BIRC2: variants seen among roughly 807,000 people sequenced by gnomAD.
BIRC2 encodes the protein baculoviral IAP repeat containing 2.
A neutral mutation model predicts 60.9 loss-of-function variants in BIRC2; 18 were observed. The ratio of observed to expected loss-of-function variants is 0.30; its 90% CI spans 0.20 to 0.44. The LOEUF (loss-of-function observed/expected upper bound fraction) is 0.44. BIRC2 is among the 20% of genes least tolerant of loss of function. BIRC2 has a pLI of 1.00. For missense variants in BIRC2, 701 were observed against 728.5 expected (o/e 0.96, Z 0.43); for synonymous variants, 282 against 247.7 (o/e 1.14, Z -1.30).
chr11:102,360,871 G>C (rs999923589), intron 3 of BIRC2, among the ~76,000 whole-genome samples: 3 of 151,752 alleles, frequency 2.0e-5, no homozygotes, highest in African/African-American at 7.3e-5. Flanking sequence ...TTCTGGCTCT[G>C]TGGAAGGCCC....
At chr11:102,355,356 G>A (rs1012357523) in intron 3 of BIRC2, among the ~76,000 whole-genome samples, 2 of 152,070 alleles carry the variant, frequency 1.3e-5, no homozygotes, top group African/African-American at 2.4e-5. Context: ...TCCCAACACC[G>A]TTTGTTAAAG....
At position 102,350,081 on chromosome 11, in the gene BIRC2, G is replaced by T; in HGVS notation, c.227G>T (p.Gly76Val). ...SLARAGFYYT[G>V]VNDKVKCFCC... ...GCTCGTGCTGGTTTTTATTATACTGGTGTGAATGACAAGGTCAAATGCTTC... is the reference window on the plus strand; with the variant it reads ...GCTCGTGCTGGTTTTTATTATACTGTTGTGAATGACAAGGTCAAATGCTTC... Residue 76 changes from glycine to valine, a missense_variant, in exon 2 of 9, where the codon GGT (glycine) becomes GTT (valine). Gly to Val is a moderately radical substitution (Grantham distance 109). Coordinates refer to ENST00000227758, the MANE Select transcript of BIRC2 (RefSeq NM_001166.5). The T allele has an allele frequency of 6.2e-7, 1 of 1,614,198 alleles. No homozygotes were observed. Among genetic ancestry groups the T allele is most frequent in the Non-Finnish European group, 8.5e-7 (1 of 1,180,038 alleles).
rs1204565149 is a variant in BIRC2, at chr11:102,377,904, A to G, written c.1663+6A>G. The G allele has an allele frequency of 1.2e-6, 2 of 1,610,272 alleles. No individual in the cohort carries two copies. The highest frequency in any genetic ancestry group is 3.4e-5 in the Admixed American group (2 of 59,220). On this transcript the variant is annotated splice_donor_region_variant and intron_variant, in intron 8 of 8. Transcript: ENST00000227758. The stretch of plus-strand genomic sequence containing the variant: ...TCCAACAGAAGATGTTTCAGGTAAA[A>G]CAAAGATTTAAAACCAACATGAACT...
At position 102,378,655 on chromosome 11, in the gene BIRC2, A is replaced by G. The variant is rs1202147955; in HGVS notation, c.*472A>G. On this transcript the variant is annotated 3_prime_UTR_variant, in exon 9 of 9. Coordinates refer to ENST00000227758, the MANE Select transcript of BIRC2 (RefSeq NM_001166.5). ...CTAGTTTGTGAGAAACATCTCAATA[A>G]AGTGCTTTAAAAAGATTGTGTTACC... 1 of 152,300 alleles carries G rather than the reference A, an allele frequency of 6.6e-6. No homozygotes were observed. Among genetic ancestry groups the G allele is most frequent in the Non-Finnish European group, 1.5e-5 (1 of 68,104 alleles). 9.4% of individuals were successfully genotyped at this position (152,300 alleles called of 1,614,324 possible).
intron 3 of BIRC2, among the ~76,000 whole-genome samples, chr11:102,354,204 A>T (rs1415180836): frequency 6.6e-6 from 1 of 151,870 alleles, no homozygotes. Context: ...AGATGGTAGG[A>T]TTTTATTTTA....
At position 102,375,518 on chromosome 11, in the gene BIRC2, T is replaced by C. The variant is rs185037089; in HGVS notation, c.1367-1978T>C. On this transcript the variant is annotated intron_variant, in intron 6 of 8. Transcript: ENST00000227758. ...GCTCCAGGCTGGGCGCGGTGGCTCA[T>C]GCCTGTAATCCCAGCACTTTGGGAG... Among the ~76,000 whole-genome samples, 176 of 152,320 alleles carry C rather than the reference T, an allele frequency of 1.2e-3. 1 individual carries two copies. The Middle Eastern group carries it at 0.017, about 15-fold the overall frequency.
chr11:102,378,156 G>C lies in BIRC2; in HGVS notation c.1830G>C (p.Lys610Asn). 1 of 1,607,866 alleles carries C rather than the reference G, an allele frequency of 6.2e-7. No individual in the cohort carries two copies. The highest frequency in any genetic ancestry group is 8.5e-7 in the Non-Finnish European group (1 of 1,178,122). Residue 610 changes from lysine to asparagine, a missense_variant, in exon 9 of 9, where the codon AAG (lysine) becomes AAC (asparagine). Coordinates refer to ENST00000227758, the MANE Select transcript of BIRC2 (RefSeq NM_001166.5). ...GCCCTATTTGCAGGGGTATAATCAA[G>C]GGTACTGTTCGTACATTTCTCTCTT... ...RKCPICRGII[K>N]GTVRTFLS
At chr11:102,356,469 T>G (rs1440582792) in intron 3 of BIRC2, among the ~76,000 whole-genome samples, 1 of 151,994 alleles carries the variant, frequency 6.6e-6, no homozygotes, top group East Asian at 1.9e-4. Context: ...TTGCTGGGAT[T>G]AGAGGCGTGA....
intron 6 of BIRC2, among the ~76,000 whole-genome samples, chr11:102,374,486 CAG>C (rs1491540924): frequency 6.7e-6 from 1 of 150,230 alleles, no homozygotes; most frequent in Non-Finnish European, 1.5e-5. Flanking sequence ...GCTCGGGGGT[CAG>C]GGGTCAGGGA....
intron 3 of BIRC2, among the ~76,000 whole-genome samples, chr11:102,362,541 ACT>A (rs1951496717): frequency 1.3e-5 from 2 of 152,334 alleles, no homozygotes; most frequent in South Asian, 4.1e-4. Flanking sequence ...TTTTAGGAAT[ACT>A]GAGTTAATAG....
rs147952945 is a variant in BIRC2, at chr11:102,374,269, C to G, written c.1367-3227C>G. On this transcript the variant is annotated intron_variant, in intron 6 of 8. Transcript: ENST00000227758. ...CTGCGTTTTAGAGTTTCCAGCTTTT[C>G]TGTTCTGTTTTTCCCCCATCTTTGT... Among the ~76,000 whole-genome samples, 423 of 151,262 alleles carry G rather than the reference C, an allele frequency of 2.8e-3. 7 individuals are homozygous for G. The highest frequency in any genetic ancestry group is 5.1e-3 in the Non-Finnish European group (344 of 67,630).
chr11:102,371,952 T>C (rs1227372268), intron 6 of BIRC2, among the ~76,000 whole-genome samples: 17 of 151,812 alleles, frequency 1.1e-4, no homozygotes, highest in East Asian at 1.9e-4. Flanking sequence ...AGTTTATTTG[T>C]GTAGAGGTGT....
chr11:102,359,398 T>A (rs11225222), intron 3 of BIRC2, among the ~76,000 whole-genome samples: 9,755 of 152,276 alleles, frequency 0.064, 365 homozygotes, highest in Non-Finnish European at 0.081. Context: ...ACAAATTTAG[T>A]ATATTATTAA....
chr11:102,377,803 G>T (rs974774825), intron 7 of BIRC2, 53 bp downstream of exon 7: 7 of 1,593,982 alleles, frequency 4.4e-6, no homozygotes, highest in Non-Finnish European at 6.0e-6. Flanking sequence ...GCCAGATGCG[G>T]TGGCTCAGTT....
chr11:102,351,507 C>T (rs905108246), intron 3 of BIRC2, among the ~76,000 whole-genome samples: 7 of 143,906 alleles, frequency 4.9e-5, no homozygotes, highest in South Asian at 4.6e-4. Flanking sequence ...CCCAGCTTCT[C>T]GGGAGGCTGA....
intron 5 of BIRC2, among the ~76,000 whole-genome samples, chr11:102,365,229 A>T (rs1182767685): frequency 6.6e-6 from 1 of 152,136 alleles, no homozygotes; most frequent in South Asian, 2.1e-4. Context: ...TCAACTTAAG[A>T]AGGTTACTTT....
intron 6 of BIRC2, 115 bp downstream of exon 6, chr11:102,368,663 C>A: frequency 7.2e-7 from 1 of 1,389,608 alleles, no homozygotes; most frequent in Non-Finnish European, 9.7e-7. Context: ...TAGCAGTCCT[C>A]CAGTCATTTC....
At chr11:102,366,420 G>T (rs1951553353) in intron 5 of BIRC2, among the ~76,000 whole-genome samples, 1 of 151,194 alleles carries the variant, frequency 6.6e-6, no homozygotes, top group African/African-American at 2.4e-5. Context: ...AGGCTGGAGT[G>T]CAGTGGCGCA....
chr11:102,373,235 G>A (rs960201342), intron 6 of BIRC2, among the ~76,000 whole-genome samples: 23 of 152,064 alleles, frequency 1.5e-4, no homozygotes, highest in African/African-American at 2.7e-4. Flanking sequence ...GATTTTGCTC[G>A]TTAGTTGATG....
Sources: allele counts gnomAD v4.1 joint callset (sites outside exome capture counted in the v4.1 genomes callset), GRCh38; gene constraint gnomAD v4.1.1; transcripts MANE v1.5; gene names NCBI Gene and HGNC (gene_info 2026-07-23, HGNC 2026-07-21).